The following NAV1 variants were observed in gnomAD, a reference collection of about 807,000 sequenced individuals.
NAV1 encodes pore membrane and/or filament interacting like protein 3.
A neutral mutation model predicts 175.2 loss-of-function variants in NAV1; 18 were observed. That is an observed-to-expected ratio of 0.10 (90% CI 0.07 to 0.15). NAV1 has a LOEUF of 0.15. Among genes scored for constraint, NAV1 ranks in the 10% least tolerant of loss-of-function variants. NAV1 has a pLI of 1.00. For synonymous variants in NAV1, 897 were observed against 978.7 expected, an observed-to-expected ratio of 0.92 and a Z score of 1.56; for missense variants, 1,731 against 2,436.6, an observed-to-expected ratio of 0.71 and a Z score of 6.10.
chr1:201,693,168 G>A (rs1199240610), intron 1 of NAV1, among the ~76,000 whole-genome samples: 2 of 152,258 alleles, frequency 1.3e-5, no homozygotes, highest in Non-Finnish European at 2.9e-5. Context: ...AACATATCAG[G>A]CACTGTGCCA....
intron 1 of NAV1, among the ~76,000 whole-genome samples, chr1:201,556,840 G>A (rs1292123186): frequency 1.3e-5 from 2 of 152,198 alleles, no homozygotes; most frequent in African/African-American, 4.8e-5. Context: ...CGGGTCTCAA[G>A]TGACCTCTCA....
intron 3 of NAV1, among the ~76,000 whole-genome samples, chr1:201,761,712 A>G (rs1000679649): frequency 6.6e-6 from 1 of 152,192 alleles, no homozygotes; most frequent in African/African-American, 2.4e-5. Flanking sequence ...GCTTCTGTCA[A>G]CCCTACATAA....
intron 15 of NAV1, among the ~76,000 whole-genome samples, chr1:201,802,287 A>T (rs1252231371): frequency 7.4e-6 from 1 of 134,764 alleles, no homozygotes; most frequent in Non-Finnish European, 1.6e-5. Context: ...CCTGCGCAAG[A>T]AGAGTGAAAC....
intron 1 of NAV1, among the ~76,000 whole-genome samples, chr1:201,576,169 C>T (rs1273139457): frequency 6.6e-6 from 1 of 152,198 alleles, no homozygotes; most frequent in African/African-American, 2.4e-5. Flanking sequence ...TCTCCTGCCT[C>T]CACCCTTTCT....
chr1:201,708,295 T>C (rs188732564), intron 1 of NAV1, among the ~76,000 whole-genome samples: 1 of 152,182 alleles, frequency 6.6e-6, no homozygotes, highest in Admixed American at 6.5e-5. Flanking sequence ...ACACACATTC[T>C]CTCCCCAGTT....
At chr1:201,741,360 T>A (rs1673410415) in intron 3 of NAV1, among the ~76,000 whole-genome samples, 1 of 152,058 alleles carries the variant, frequency 6.6e-6, no homozygotes, top group Admixed American at 6.5e-5. Context: ...GTCCTTGGGG[T>A]CACTTTGCCA....
chr1:201,781,269 C>T (rs769690950), exon 5 of NAV1: 7 of 1,613,714 alleles, frequency 4.3e-6, no homozygotes, highest in Non-Finnish European at 2.5e-6. Flanking sequence ...CTGTAACTTC[C>T]CCCATCACTC....
At chr1:201,622,597 T>C (rs1162354931), upstream of NAV1, among the ~76,000 whole-genome samples, 1 of 152,120 alleles carries the variant, frequency 6.6e-6, no homozygotes, top group East Asian at 1.9e-4. Flanking sequence ...GTACAGCACA[T>C]TGCAATTCAC....
At chr1:201,557,692 A>G (rs1666071102) in intron 1 of NAV1, among the ~76,000 whole-genome samples, 1 of 152,222 alleles carries the variant, frequency 6.6e-6, no homozygotes, top group Non-Finnish European at 1.5e-5. Context: ...AGATAGAACA[A>G]GTAATTAAAG....
chr1:201,576,529 C>A (rs1666694262), intron 1 of NAV1, among the ~76,000 whole-genome samples: 1 of 151,884 alleles, frequency 6.6e-6, no homozygotes, highest in Non-Finnish European at 1.5e-5. Context: ...TCCCTTGAGC[C>A]CAGGAGTTCA....
Position 201,808,332 on chromosome 1 carries a change from C to G in NAV1, c.3846-86C>G. On this transcript the variant is annotated intron_variant, in intron 18 of 29. Coordinates refer to ENST00000367296, the Ensembl canonical transcript of NAV1. The surrounding 1 kb of genome is among the most constrained non-coding windows in gnomAD (Gnocchi z 5.5). ...TTGAATATCAATGGGCAGGAGAAGCCAAGACCACCAACCATGCCTCTCAAT... is the reference window on the plus strand; with the variant it reads ...TTGAATATCAATGGGCAGGAGAAGCGAAGACCACCAACCATGCCTCTCAAT... 6.7e-7 allele frequency: 1 copy of G among 1,487,234 alleles called. No individual in the cohort carries two copies. The highest frequency in any genetic ancestry group is 2.1e-5 in the Admixed American group (1 of 47,284). The allele number at this position is 1,487,234 out of a possible 1,614,324, so 92.1% of individuals were successfully genotyped here.
intron 1 of NAV1, among the ~76,000 whole-genome samples, chr1:201,550,556 C>G (rs893251882): frequency 6.6e-6 from 1 of 152,172 alleles, no homozygotes; most frequent in African/African-American, 2.4e-5. Context: ...TAACCCTGAA[C>G]ATATGCAGAA....
At chr1:201,575,968 G>T (rs1666681352) in intron 1 of NAV1, among the ~76,000 whole-genome samples, 2 of 152,070 alleles carry the variant, frequency 1.3e-5, no homozygotes, top group South Asian at 4.2e-4. Flanking sequence ...TTGTAGATTT[G>T]CATGCAATTG....
intron 3 of NAV1, among the ~76,000 whole-genome samples, chr1:201,749,772 A>G (rs1033194022): frequency 1.3e-5 from 2 of 152,124 alleles, no homozygotes; most frequent in African/African-American, 4.8e-5. Context: ...ATGGTGACAC[A>G]TACCTGTGGT....
At chr1:201,756,105 C>CAAAA (rs768758177) in intron 3 of NAV1, among the ~76,000 whole-genome samples, 6 of 56,800 alleles carry the variant, frequency 1.1e-4, no homozygotes, top group African/African-American at 3.0e-4. Flanking sequence ...AACTCTGTCT[C>CAAAA]AAAAAAAAAA....
At chr1:201,653,502 G>C (rs534389115) in intron 1 of NAV1, among the ~76,000 whole-genome samples, 3 of 152,218 alleles carry the variant, frequency 2.0e-5, no homozygotes, top group African/African-American at 7.2e-5. Flanking sequence ...AATTTTTTGG[G>C]GGGGAGGGGC....
chr1:201,595,455 C>G (rs1667323970), intron 2 of NAV1, among the ~76,000 whole-genome samples: 1 of 152,248 alleles, frequency 6.6e-6, no homozygotes, highest in South Asian at 2.1e-4. Flanking sequence ...CAGTGGCTAT[C>G]CTTTCTTCAA....
intron 1 of NAV1, among the ~76,000 whole-genome samples, chr1:201,675,742 C>G (rs1482921241): frequency 1.3e-4 from 20 of 152,306 alleles, no homozygotes; most frequent in Non-Finnish European, 4.4e-5. Context: ...ATTCACTTCT[C>G]TAAACTCATG....
chr1:201,724,037 C>G (rs1161437758), intron 3 of NAV1: 1 of 152,130 alleles, frequency 6.6e-6, no homozygotes, highest in Non-Finnish European at 1.5e-5. Context: ...GGTCACCCTC[C>G]TCTGGAAGCT....
Sources: gnomAD v4.1 joint callset for allele counts (sites outside exome capture counted in the v4.1 genomes callset) on GRCh38, gnomAD v4.1.1 for gene constraint, Gnocchi (gnomAD v3.1) non-coding constraint, MANE v1.5 for transcripts, NCBI Gene and HGNC (gene_info 2026-07-23, HGNC 2026-07-21) for gene names.